ITGB4: variants seen among roughly 807,000 people sequenced by gnomAD.
ITGB4 encodes the protein integrin beta-4.
A neutral mutation model predicts 207.6 loss-of-function variants in ITGB4; 159 were observed. That is an observed-to-expected ratio of 0.77 (90% CI 0.67 to 0.87). ITGB4 has a LOEUF of 0.87. ITGB4 is among the 40% of genes least tolerant of loss of function. The pLI, the probability that ITGB4 is intolerant of heterozygous loss-of-function variation, is 0.00. For synonymous variants in ITGB4, 1,020 were observed against 1,062.7 expected (o/e 0.96, Z 0.78); for missense variants, 2,278 against 2,546.8 (o/e 0.89, Z 2.27).
In ITGB4 at chr17:75,750,346, A is replaced by G. The variant is rs820389; in HGVS notation, c.3474+78A>G. ...CACTCACAGAAGAGGTGGGCCGTCC[A>G]AGGCCAGGGCCCCCTGAGAGAGAGC... is the stretch of plus-strand genomic sequence containing the variant. On this transcript the variant is annotated intron_variant, in intron 28 of 39. Coordinates refer to ENST00000200181, the MANE Select transcript of ITGB4 (RefSeq NM_000213.5). The surrounding 1 kb of genome is among the most constrained non-coding windows in gnomAD (Gnocchi z 5.5). 1,239,440 of 1,466,102 alleles carry G rather than the reference A, an allele frequency of 0.85. 526,829 individuals carry two copies. Among genetic ancestry groups the G allele is most frequent in the Non-Finnish European group, 0.87 (947,152 of 1,084,036 alleles). The allele number at this position is 1,466,102 out of a possible 1,614,324, so 90.8% of individuals were successfully genotyped here.
At chr17:75,752,067 C>T (rs1351985818) in intron 30 of ITGB4, 107 bp from the exon 31 acceptor site, 1 of 1,243,370 alleles carries the variant, frequency 8.0e-7, no homozygotes, top group Admixed American at 1.7e-5. Flanking sequence ...GCTTCCCCAG[C>T]CCCTGGGTGC....
chr17:75,730,527 G>T, intron 8 of ITGB4, 23 bp downstream of exon 8: 5 of 1,612,986 alleles, frequency 3.1e-6, no homozygotes, highest in Non-Finnish European at 3.4e-6. Context: ...GGTCCCACGG[G>T]TGGGAGGTGG....
chr17:75,753,981 GGCTCACCCGCCGCCCCCCGATCCGC>G lies in ITGB4; in HGVS notation c.4318+10_4318+34del, dbSNP rs2061429090. The G allele has an allele frequency of 8.3e-7, 1 of 1,210,442 alleles. No individual in the cohort carries two copies. 75.0% of individuals were successfully genotyped at this position (1,210,442 alleles called of 1,614,324 possible). On this transcript the variant is annotated splice_region_variant and intron_variant, in intron 33 of 39. Transcript: ENST00000200181. Reference sequence around the variant, plus strand: ...ACACCCGGGCCCCCCGGAGGTGACAGGCTCACCCGCCGCCCCCCGATCCGCGCCCACCCAGCCTCACTCGCGCCTG... The same window carrying G: ...ACACCCGGGCCCCCCGGAGGTGACAGGCCCACCCAGCCTCACTCGCGCCTG...
rs1376446657 is a variant in ITGB4, at chr17:75,753,886, C to T, written c.4230C>T (p.Ala1410=). 1.5e-6 allele frequency: 2 copies of T among 1,316,324 alleles called. No individual in the cohort carries two copies. Among genetic ancestry groups the T allele is most frequent in the African/African-American group, 1.5e-5 (1 of 65,510 alleles). 81.5% of individuals were successfully genotyped at this position (1,316,324 alleles called of 1,614,324 possible). Residue 1410 remains alanine, a synonymous_variant, in exon 33 of 40, where the codon GCC becomes GCT. Transcript: ENST00000200181. The part of the protein sequence containing the change: ...LSASSGRSSD[A]EAPHGPPDDG... ...CCAGCAGCGGGCGCTCCTCCGACGC[C>T]GAGGCGCCCCACGGGCCCCCGGACG...
At position 75,742,522 on chromosome 17, in the gene ITGB4, G is replaced by C. The variant is rs374325497; in HGVS notation, c.2782+33G>C. 1.9e-6 allele frequency: 3 copies of C among 1,613,178 alleles called. No homozygotes were observed. Among genetic ancestry groups the C allele is most frequent in the South Asian group, 1.1e-5 (1 of 91,056 alleles). On this transcript the variant is annotated intron_variant, in intron 24 of 39. Transcript: ENST00000200181. The surrounding 1 kb of genome is among the most constrained non-coding windows in gnomAD (Gnocchi z 5.9). The stretch of plus-strand genomic sequence containing the variant: ...GGCGGGTCCGCTGTGCCACTGCCTC[G>C]CACCTCCCGCCTGTGTGGCCCTGTG...
Position 75,757,526 on chromosome 17 carries a change from C to G in ITGB4, c.5440C>G (p.His1814Asp). ...GACCACCAGCGGAACCCTTAGCACCCACATGGACCAACAGTTCTTCCAAAC... is the reference window on the plus strand; with the variant it reads ...GACCACCAGCGGAACCCTTAGCACCGACATGGACCAACAGTTCTTCCAAAC... ...TLTTSGTLST[H>D]MDQQFFQT is the part of the protein sequence containing the mutation. The change falls in exon 40 of 40, where the codon CAC (histidine) becomes GAC (aspartate). Residue 1814 changes from histidine to aspartate, a missense_variant. Physicochemically the swap from His to Asp is moderately conservative, Grantham distance 81 (BLOSUM62 -1). Coordinates refer to ENST00000200181, the MANE Select transcript of ITGB4 (RefSeq NM_000213.5). The G allele has an allele frequency of 1.2e-6, 2 of 1,613,462 alleles. No homozygotes were observed. The highest frequency in any genetic ancestry group is 1.7e-6 in the Non-Finnish European group (2 of 1,179,996).
At position 75,732,758 on chromosome 17, in the gene ITGB4, C is replaced by T. The variant is rs1157315806; in HGVS notation, c.1454+519C>T. Among the ~76,000 whole-genome samples, 1 of 152,136 alleles carries T rather than the reference C, an allele frequency of 6.6e-6. No individual in the cohort carries two copies. Among genetic ancestry groups the T allele is most frequent in the Non-Finnish European group, 1.5e-5 (1 of 68,016 alleles). On this transcript the variant is annotated intron_variant, in intron 12 of 39. Transcript: ENST00000200181. This position sits in a 1 kb window ranked among gnomAD's most constrained non-coding sequence, Gnocchi z 5.3. ...CTGTCTGCATGACTGGGAGCTGCCT[C>T]GGCCCTCTCAGAGCCTCAGTTTCCT...
rs759160067 is a variant in ITGB4 at position 75,756,814 on chromosome 17, G to C, written c.5008G>C (p.Asp1670His). 8.7e-6 allele frequency: 14 copies of C among 1,612,484 alleles called. No homozygotes were observed. In the Admixed American group the frequency reaches 1.8e-4, roughly 21 times the overall value. Residue 1670 changes from aspartate (D) to histidine (H), a missense_variant, in exon 37 of 40, where the codon GAT (aspartate) becomes CAT (histidine). Physicochemically the swap from Asp to His is moderately conservative, Grantham distance 81. Coordinates refer to ENST00000200181, the MANE Select transcript of ITGB4 (RefSeq NM_000213.5). ...SWERPRRPNG[D>H]IVGYLVTCEM... Reference sequence around the variant, plus strand: ...GGAGCGGCCACGGAGGCCCAATGGGGATATCGTCGGCTACCTGGTGACCTG... The same window carrying C: ...GGAGCGGCCACGGAGGCCCAATGGGCATATCGTCGGCTACCTGGTGACCTG...
intron 1 of ITGB4, among the ~76,000 whole-genome samples, chr17:75,723,923 C>T (rs907313021): frequency 1.3e-5 from 2 of 152,262 alleles, no homozygotes; most frequent in Admixed American, 6.5e-5. Context: ...TCCAGTCCTG[C>T]CCTGAAGGCC....
At chr17:75,744,112 GCTC>G (rs1356621966) in intron 26 of ITGB4, among the ~76,000 whole-genome samples, 3 of 138,390 alleles carry the variant, frequency 2.2e-5, no homozygotes, top group Admixed American at 7.4e-5. Context: ...AAGAGGGCTC[GCTC>G]TTTTTTTTTT....
At chr17:75,755,009 C>G in intron 34 of ITGB4, 194 bp downstream of exon 34, 1 of 1,575,280 alleles carries the variant, frequency 6.3e-7, no homozygotes, top group South Asian at 1.1e-5. Context: ...TACACACATG[C>G]ATGCACACTC....
At chr17:75,753,086 C>G (rs2143433286) in intron 32 of ITGB4, among the ~76,000 whole-genome samples, 1 of 152,378 alleles carries the variant, frequency 6.6e-6, no homozygotes, top group East Asian at 1.9e-4. Flanking sequence ...AGATGAATCA[C>G]TCATCCTTTC....
intron 26 of ITGB4, among the ~76,000 whole-genome samples, chr17:75,746,929 C>CAAAAA (rs56351330): frequency 2.8e-5 from 2 of 70,870 alleles, no homozygotes; most frequent in Non-Finnish European, 5.7e-5. Flanking sequence ...ACCCCTGTCT[C>CAAAAA]AAAAAAAAAA....
chr17:75,736,150 A>G lies in ITGB4; in HGVS notation c.1757A>G (p.Asn586Ser). 1 of 1,614,066 alleles carries G rather than the reference A, an allele frequency of 6.2e-7. No individual in the cohort carries two copies. The highest frequency in any genetic ancestry group is 8.5e-7 in the Non-Finnish European group (1 of 1,179,938). ...AGCAATGCCACCTGCATCGACAGCA[A>G]TGGGGTAGGCCTGGGCATAAGACAG... is the stretch of plus-strand genomic sequence containing the variant. ...PLSNATCIDS[N>S]GGICNGRGHC... is the part of the protein sequence containing the mutation. Residue 586 changes from asparagine (N) to serine (S), a missense_variant, in exon 14 of 40, where the codon AAT becomes AGT. By Grantham distance (46) the Asn-to-Ser change is conservative (BLOSUM62 1). Coordinates refer to ENST00000200181, the MANE Select transcript of ITGB4 (RefSeq NM_000213.5).
rs746401769 is a variant in ITGB4, at chr17:75,733,575, G to A, written c.1540G>A (p.Gly514Ser). ...GGAGGGCGAGGACAAGCCGTGCTCC[G>A]GCCGTGGGGAGTGCCAGTGCGGGCA... is the stretch of plus-strand genomic sequence containing the variant. ...LREGEDKPCSGRGECQCGHCV... is the reference protein window; with the variant it reads ...LREGEDKPCSSRGECQCGHCV... Residue 514 changes from glycine (G) to serine (S), a missense_variant, in exon 13 of 40, where the codon GGC becomes AGC. Gly to Ser is a moderately conservative substitution (Grantham distance 56, BLOSUM62 0). Coordinates refer to ENST00000200181, the MANE Select transcript of ITGB4 (RefSeq NM_000213.5). 1.3e-4 allele frequency: 202 copies of A among 1,614,070 alleles called. 3 individuals are homozygous for A. In the South Asian group the frequency reaches 1.4e-3, roughly 11 times the overall value.
At position 75,731,828 on chromosome 17, in the gene ITGB4, AGCT is replaced by A; in HGVS notation, c.1235_1237del (p.Leu412del). The A allele has an allele frequency of 2.5e-6, 4 of 1,602,974 alleles. No individual in the cohort carries two copies. Among genetic ancestry groups the A allele is most frequent in the Non-Finnish European group, 3.4e-6 (4 of 1,175,028 alleles). ...CCCCTGCAGGGTATATACCAGGTGCAGCTGCGGGCCCTTGAGCACGTGGATGGG... is the reference window on the plus strand; with the variant it reads ...CCCCTGCAGGGTATATACCAGGTGCAGCGGGCCCTTGAGCACGTGGATGGG... On this transcript the variant is annotated inframe_deletion, in exon 11 of 40. Coordinates refer to ENST00000200181, the MANE Select transcript of ITGB4 (RefSeq NM_000213.5). This position sits in a 1 kb window ranked among gnomAD's most constrained non-coding sequence, Gnocchi z 6.8.
rs116719013 is a variant in ITGB4, at chr17:75,725,681, C to T, written c.79+899C>T. ...AGCCCAGGAGACCTCTTACTGTGTA[C>T]ACCAGGTGCACACAGTAGGTCCTCA... On this transcript the variant is annotated intron_variant, in intron 2 of 39. Coordinates refer to ENST00000200181, the MANE Select transcript of ITGB4 (RefSeq NM_000213.5). Among the ~76,000 whole-genome samples the T allele has an allele frequency of 5.7e-3, 864 of 152,312 alleles. 5 individuals are homozygous for T. The highest frequency in any genetic ancestry group is 0.02 in the African/African-American group (831 of 41,564).
At chr17:75,728,775 G>A (rs1326146575) in intron 6 of ITGB4, among the ~76,000 whole-genome samples, 1 of 152,042 alleles carries the variant, frequency 6.6e-6, no homozygotes, top group African/African-American at 2.4e-5. Context: ...ACGAGGTCAG[G>A]AGATCGAGAC....
chr17:75,725,778 G>C (rs954770729), intron 2 of ITGB4, among the ~76,000 whole-genome samples: 9 of 152,248 alleles, frequency 5.9e-5, no homozygotes, highest in Admixed American at 5.9e-4. Context: ...AGGACCCACT[G>C]TGTGCCAGGT....
Sources: gnomAD v4.1 joint callset for allele counts (sites outside exome capture counted in the v4.1 genomes callset) on GRCh38, gnomAD v4.1.1 for gene constraint, Gnocchi (gnomAD v3.1) non-coding constraint, MANE v1.5 for transcripts, NCBI Gene and HGNC (gene_info 2026-07-23, HGNC 2026-07-21) for gene names.